Variants in PEX5L observed in about 807,000 individuals in gnomAD.
The protein encoded by PEX5L is peroxisomal biogenesis factor 5 like, also known as PEX5-related protein.
PEX5L carries 30 observed loss-of-function variants against 84.0 expected under a neutral mutation model. That is an observed-to-expected ratio of 0.36 (90% CI 0.27 to 0.48). The LOEUF is 0.48. Among genes scored for constraint, PEX5L ranks in the 20% least tolerant of loss-of-function variants. The pLI, the probability that PEX5L is intolerant of heterozygous loss-of-function variation, is 0.99. For synonymous variants in PEX5L, 270 were observed against 283.1 expected (o/e 0.95, Z 0.46); for missense variants, 533 against 754.6 (o/e 0.71, Z 3.44).
intron 2 of PEX5L, among the ~76,000 whole-genome samples, chr3:179,905,456 G>A (rs965538479): frequency 6.6e-6 from 1 of 152,092 alleles, no homozygotes; most frequent in Non-Finnish European, 1.5e-5. Context: ...TGTGTTTTTA[G>A]TAGAGACGGG....
At chr3:179,863,771 G>T (rs1359124879) in intron 7 of PEX5L, among the ~76,000 whole-genome samples, 1 of 152,050 alleles carries the variant, frequency 6.6e-6, no homozygotes, top group Non-Finnish European at 1.5e-5. Flanking sequence ...ACAGGACGAG[G>T]GTCCTCAATA....
At chr3:179,873,761 G>C (rs1359911686) in intron 7 of PEX5L, among the ~76,000 whole-genome samples, 1 of 152,108 alleles carries the variant, frequency 6.6e-6, no homozygotes, top group East Asian at 1.9e-4. Context: ...AGGATTATTT[G>C]AGTATTTTAT....
intron 1 of PEX5L, among the ~76,000 whole-genome samples, chr3:179,996,542 T>A (rs564609374): frequency 8.1e-4 from 124 of 152,258 alleles, no homozygotes; most frequent in African/African-American, 2.9e-3. Context: ...GAGATTGGGA[T>A]GGTAGAATGG....
At chr3:179,954,206 G>GC (rs376220426) in intron 2 of PEX5L, among the ~76,000 whole-genome samples, 1 of 89,818 alleles carries the variant, frequency 1.1e-5, no homozygotes, top group Admixed American at 1.2e-4. Flanking sequence ...CCATTAGTCG[G>GC]GGGGGGGGGA....
chr3:179,830,726 T>C (rs567806474), intron 8 of PEX5L, among the ~76,000 whole-genome samples: 4 of 152,334 alleles, frequency 2.6e-5, no homozygotes, highest in African/African-American at 7.2e-5. Flanking sequence ...AGGCATTTGA[T>C]CTAGCTTCTT....
chr3:179,874,380 T>A lies in PEX5L; in HGVS notation c.673A>T (p.Ser225Cys). The change falls in exon 7 of 15, where the codon AGC (serine) becomes TGC (cysteine). Residue 225 changes from serine to cysteine, a missense_variant. Around this residue, in one of 8 missense-constraint regions of PEX5L, gnomAD observed 259 missense variants for 301.7 expected, o/e 0.86. Coordinates refer to ENST00000467460, the MANE Select transcript of PEX5L (RefSeq NM_016559.3). ...RSQPELSGGK[S>C]ALNSESASEL... ...GAAGCCGACTCAGAGTTGAGGGCGCTTTTTCCACCACTCAGTTCTGGTTGA... is the reference window on the plus strand; with the variant it reads ...GAAGCCGACTCAGAGTTGAGGGCGCATTTTCCACCACTCAGTTCTGGTTGA... 1 of 1,610,436 alleles carries A rather than the reference T, an allele frequency of 6.2e-7. No individual in the cohort carries two copies. The highest frequency in any genetic ancestry group is 8.5e-7 in the Non-Finnish European group (1 of 1,177,364).
chr3:180,001,327 A>G (rs1460085482), intron 1 of PEX5L, among the ~76,000 whole-genome samples: 1 of 148,140 alleles, frequency 6.8e-6, no homozygotes, highest in East Asian at 1.9e-4. Flanking sequence ...ATATTCATAT[A>G]TATATATAAA....
chr3:179,830,870 G>C (rs1195953082), intron 8 of PEX5L, among the ~76,000 whole-genome samples: 1 of 152,152 alleles, frequency 6.6e-6, no homozygotes, highest in African/African-American at 2.4e-5. Flanking sequence ...CAGACAAAGG[G>C]GAGGAGACTC....
At chr3:180,023,864 A>AC (rs1027373673) in intron 1 of PEX5L, among the ~76,000 whole-genome samples, 4 of 147,238 alleles carry the variant, frequency 2.7e-5, no homozygotes, top group Non-Finnish European at 5.9e-5. Context: ...GGTAGAGGAG[A>AC]CCCCCTTCAG....
At chr3:180,004,399 C>G (rs974453825) in intron 1 of PEX5L, among the ~76,000 whole-genome samples, 2 of 152,096 alleles carry the variant, frequency 1.3e-5, no homozygotes, top group African/African-American at 4.8e-5. Flanking sequence ...GGAAAGGAGA[C>G]TCAAACTGCA....
At chr3:179,835,139 C>A (rs1734488509) in intron 8 of PEX5L, among the ~76,000 whole-genome samples, 1 of 152,168 alleles carries the variant, frequency 6.6e-6, no homozygotes, top group Admixed American at 6.5e-5. Flanking sequence ...AAAGCCAGTT[C>A]CTGACCTCAA....
At chr3:179,921,279 CA>C (rs780908862) in intron 2 of PEX5L, among the ~76,000 whole-genome samples, 19 of 152,004 alleles carry the variant, frequency 1.2e-4, no homozygotes, top group Non-Finnish European at 2.4e-4. Flanking sequence ...TCACATCAGC[CA>C]AAAGTATCTC....
chr3:179,831,207 C>T (rs540294104), intron 8 of PEX5L, among the ~76,000 whole-genome samples: 4 of 150,954 alleles, frequency 2.6e-5, no homozygotes, highest in East Asian at 2.0e-4. Flanking sequence ...CCCAGCTACT[C>T]GGGAGGCTGA....
At chr3:179,857,959 T>C (rs1177513782) in intron 8 of PEX5L, among the ~76,000 whole-genome samples, 1 of 152,174 alleles carries the variant, frequency 6.6e-6, no homozygotes, top group Admixed American at 6.5e-5. Context: ...TTTGGGTAGA[T>C]GGTATTGTGG....
chr3:180,000,002 T>C (rs371314954), intron 1 of PEX5L, among the ~76,000 whole-genome samples: 22 of 152,296 alleles, frequency 1.4e-4, no homozygotes, highest in African/African-American at 5.3e-4. Context: ...GGTACAGTTT[T>C]TCCCACAGCC....
At chr3:179,895,102 T>C (rs1235206318) in intron 3 of PEX5L, among the ~76,000 whole-genome samples, 2 of 152,124 alleles carry the variant, frequency 1.3e-5, no homozygotes, top group African/African-American at 4.8e-5. Flanking sequence ...ATTTAAAAAT[T>C]TTTAGTGGCT....
At chr3:179,863,560 G>T (rs1747004711) in intron 7 of PEX5L, among the ~76,000 whole-genome samples, 1 of 152,076 alleles carries the variant, frequency 6.6e-6, no homozygotes, top group East Asian at 1.9e-4. Flanking sequence ...CGTACAAATG[G>T]CCAATAGATA....
intron 8 of PEX5L, among the ~76,000 whole-genome samples, chr3:179,847,780 C>T (rs1330904169): frequency 6.6e-6 from 1 of 152,122 alleles, no homozygotes; most frequent in Non-Finnish European, 1.5e-5. Context: ...GGAATCCCTG[C>T]AGCCTTGACT....
chr3:179,958,276 A>G (rs1201077187), intron 2 of PEX5L, among the ~76,000 whole-genome samples: 1 of 152,152 alleles, frequency 6.6e-6, no homozygotes, highest in Non-Finnish European at 1.5e-5. Flanking sequence ...GATGAAAGGA[A>G]GTTTTTAAAC....
Sources: gnomAD v4.1 joint callset for allele counts (sites outside exome capture counted in the v4.1 genomes callset) on GRCh38, gnomAD v4.1.1 for gene constraint, gnomAD v4.1.1 regional missense constraint, MANE v1.5 for transcripts, NCBI Gene and HGNC (gene_info 2026-07-23, HGNC 2026-07-21) for gene names.